Variants in ZNF585A observed in about 807,000 individuals in gnomAD.
ZNF585A encodes the protein zinc finger protein 585A.
In ZNF585A, 9 loss-of-function variants were observed where a neutral mutation model predicts 14.9. The observed-to-expected ratio is 0.60, with a 90% CI of 0.36 to 1.05. ZNF585A has a LOEUF of 1.05. Ranked by LOEUF, ZNF585A falls within the 50% of genes least tolerant of loss-of-function variation. The probability of loss-of-function intolerance (pLI) is 0.01; values close to 1 mark genes in which losing one functional copy is unlikely to be tolerated. For missense variants in ZNF585A, 726 were observed against 926.4 expected (o/e 0.78, Z 2.81); for synonymous variants, 276 against 319.9 (o/e 0.86, Z 1.46).
At position 37,156,291 on chromosome 19, in the gene ZNF585A, G is replaced by A. The variant is rs546958188; in HGVS notation, c.137C>T (p.Pro46Leu). The change falls in exon 3 of 5, where the codon CCT (proline) becomes CTT (leucine). Residue 46 changes from proline to leucine, a missense_variant. Physicochemically the swap from Pro to Leu is moderately conservative, Grantham distance 98 (BLOSUM62 -3). Coordinates refer to ENST00000292841, the MANE Select transcript of ZNF585A (RefSeq NM_001288800.2). ...ATCCCGGTACAGGTTTCTCTGAGAA[G>A]GGTCCAGGTGCCGCCATTCCTCTCT... is the stretch of plus-strand genomic sequence containing the variant. ...FSREEWRHLD[P>L]SQRNLYRDVM... The A allele has an allele frequency of 2.3e-5, 37 of 1,614,184 alleles. No individual in the cohort carries two copies. Among genetic ancestry groups the A allele is most frequent in the Middle Eastern group, 3.3e-4 (2 of 6,062 alleles).
intron 2 of ZNF585A, among the ~76,000 whole-genome samples, chr19:37,163,543 G>T (rs1972042453): frequency 1.3e-5 from 2 of 151,066 alleles, no homozygotes; most frequent in African/African-American, 4.9e-5. Flanking sequence ...ATTAAGGCAA[G>T]TGAGCAACAT....
At chr19:37,156,880 C>A (rs1038440815) in intron 2 of ZNF585A, among the ~76,000 whole-genome samples, 1 of 152,084 alleles carries the variant, frequency 6.6e-6, no homozygotes, top group Non-Finnish European at 1.5e-5. Context: ...ATAGTAGACA[C>A]GGGGTTTTGC....
chr19:37,146,225 A>T lies in ZNF585A; in HGVS notation c.*5364T>A, dbSNP rs1197794899. 6.6e-6 allele frequency: 1 copy of T among 152,156 alleles called. No homozygotes were observed. The highest frequency in any genetic ancestry group is 1.5e-5 in the Non-Finnish European group (1 of 68,080). 9.4% of individuals were successfully genotyped at this position (152,156 alleles called of 1,614,324 possible). On this transcript the variant is annotated 3_prime_UTR_variant, in exon 5 of 5. Coordinates refer to ENST00000292841, the MANE Select transcript of ZNF585A (RefSeq NM_001288800.2). ...GTGAAACCCCATCTCTACTAAAAAT[A>T]CAAAAAATTAGCTGGGTGTGGTGGT...
Sources: allele counts gnomAD v4.1 joint callset (sites outside exome capture counted in the v4.1 genomes callset), GRCh38; gene constraint gnomAD v4.1.1; transcripts MANE v1.5; gene names NCBI Gene and HGNC (gene_info 2026-07-23, HGNC 2026-07-21).